Variants in PDZRN4 observed in about 807,000 individuals in gnomAD.
PDZRN4 encodes the protein PDZ domain-containing RING finger protein 4.
Under a neutral mutation model 99.0 loss-of-function variants are expected in PDZRN4, and 70 were observed. The ratio of observed to expected loss-of-function variants is 0.71; its 90% CI spans 0.58 to 0.86. The LOEUF is 0.86. PDZRN4 is among the 40% of genes least tolerant of loss of function. PDZRN4 has a pLI of 0.00. For synonymous variants in PDZRN4, 551 were observed against 501.6 expected (o/e 1.10, Z -1.32); for missense variants, 1,474 against 1,331.2 (o/e 1.11, Z -1.67).
intron 3 of PDZRN4, among the ~76,000 whole-genome samples, chr12:41,401,870 CT>C (rs1565572796): frequency 6.6e-6 from 1 of 151,688 alleles, no homozygotes. Flanking sequence ...ATGATTCCCC[CT>C]CTTCGTTGTG....
chr12:41,319,973 C>T (rs937209293), intron 3 of PDZRN4, among the ~76,000 whole-genome samples: 11 of 152,290 alleles, frequency 7.2e-5, no homozygotes, highest in East Asian at 5.8e-4. Context: ...TTCCCAGCAG[C>T]GGCAGCTGTG....
At chr12:41,488,103 T>C (rs759867450) in intron 3 of PDZRN4, among the ~76,000 whole-genome samples, 7 of 152,186 alleles carry the variant, frequency 4.6e-5, no homozygotes, top group African/African-American at 1.4e-4. Flanking sequence ...CAAAGTATTA[T>C]TTTAATCCGG....
chr12:41,376,106 C>A (rs1197551680), intron 3 of PDZRN4, among the ~76,000 whole-genome samples: 1 of 152,074 alleles, frequency 6.6e-6, no homozygotes, highest in Non-Finnish European at 1.5e-5. Context: ...TGGCTGAATA[C>A]AATTTGTGTG....
At chr12:41,318,645 A>G (rs978598154) in intron 3 of PDZRN4, among the ~76,000 whole-genome samples, 2 of 152,186 alleles carry the variant, frequency 1.3e-5, no homozygotes, top group African/African-American at 2.4e-5. Flanking sequence ...CAGTTGTATA[A>G]TGAAAACAGT....
chr12:41,553,072 A>G (rs1438950070), intron 6 of PDZRN4, among the ~76,000 whole-genome samples: 1 of 152,234 alleles, frequency 6.6e-6, no homozygotes, highest in Middle Eastern at 3.2e-3. Context: ...ATCCTCAAAC[A>G]TCTGTCCTTC....
intron 3 of PDZRN4, among the ~76,000 whole-genome samples, chr12:41,282,936 C>A (rs1197942069): frequency 6.6e-6 from 1 of 152,140 alleles, no homozygotes; most frequent in African/African-American, 2.4e-5. Flanking sequence ...GATCTAAAAT[C>A]GACACCCTAA....
intron 3 of PDZRN4, among the ~76,000 whole-genome samples, chr12:41,229,289 A>T (rs1036867305): frequency 6.6e-6 from 1 of 151,946 alleles, no homozygotes; most frequent in Admixed American, 6.6e-5. Context: ...GAATTGTTTA[A>T]TGAAAGAATC....
chr12:41,302,050 T>A (rs1324190614), intron 3 of PDZRN4, among the ~76,000 whole-genome samples: 1 of 152,106 alleles, frequency 6.6e-6, no homozygotes, highest in Non-Finnish European at 1.5e-5. Context: ...AATAGAATAT[T>A]TCATATAACA....
At chr12:41,313,268 A>T (rs75586953) in intron 3 of PDZRN4, among the ~76,000 whole-genome samples, 5,730 of 152,226 alleles carry the variant, frequency 0.038, 234 homozygotes, top group East Asian at 0.17. Context: ...TTCATCTGTT[A>T]CAAAAGATTT....
intron 3 of PDZRN4, among the ~76,000 whole-genome samples, chr12:41,240,344 G>A (rs957589854): frequency 3.9e-5 from 6 of 152,038 alleles, no homozygotes; most frequent in African/African-American, 1.2e-4. Context: ...ACCACACAAG[G>A]CCCTGTCTCA....
At chr12:41,294,926 T>C (rs1951481126) in intron 3 of PDZRN4, among the ~76,000 whole-genome samples, 1 of 152,064 alleles carries the variant, frequency 6.6e-6, no homozygotes, top group Non-Finnish European at 1.5e-5. Flanking sequence ...GAAAATTTCA[T>C]AGAGCTGAAT....
intron 3 of PDZRN4, among the ~76,000 whole-genome samples, chr12:41,223,131 A>G (rs1167903768): frequency 6.6e-6 from 1 of 152,208 alleles, no homozygotes; most frequent in Non-Finnish European, 1.5e-5. Context: ...ACAGGTAGGT[A>G]TTACAATATT....
At chr12:41,305,471 A>G (rs774233101) in intron 3 of PDZRN4, among the ~76,000 whole-genome samples, 23 of 152,208 alleles carry the variant, frequency 1.5e-4, no homozygotes, top group Non-Finnish European at 1.5e-4. Flanking sequence ...ATTTCTCACA[A>G]TGCTGGAGGT....
At chr12:41,546,589 T>C (rs1020932281) in intron 5 of PDZRN4, among the ~76,000 whole-genome samples, 1 of 152,200 alleles carries the variant, frequency 6.6e-6, no homozygotes, top group Non-Finnish European at 1.5e-5. Flanking sequence ...CTTTGCTTCT[T>C]GTGTTTTTCA....
intron 3 of PDZRN4, among the ~76,000 whole-genome samples, chr12:41,254,658 C>A (rs1951191951): frequency 6.6e-6 from 1 of 152,176 alleles, no homozygotes; most frequent in African/African-American, 2.4e-5. Flanking sequence ...TCTGCAGTCC[C>A]AAGTCTGAAG....
Position 41,371,104 on chromosome 12 carries a change from A to G in PDZRN4, c.844-135352A>G, listed in dbSNP as rs574363055. ...AGCTCTTATTTGATGATTTTTATAT[A>G]TAATTCTAGAGTACTATTATATATT... On this transcript the variant is annotated intron_variant, in intron 3 of 9. Coordinates refer to ENST00000402685, the MANE Select transcript of PDZRN4 (RefSeq NM_001164595.2). 8.7e-5 allele frequency among the ~76,000 whole-genome samples: 13 copies of G among 149,762 alleles called. 1 individual carries two copies. The South Asian group carries it at 2.5e-3, about 29-fold the overall frequency.
rs144542364 is a variant in PDZRN4, at chr12:41,432,341, T to C, written c.844-74115T>C. Among the ~76,000 whole-genome samples the C allele has an allele frequency of 9.6e-4, 147 of 152,368 alleles. 1 individual carries two copies. The highest frequency in any genetic ancestry group is 1.7e-3 in the Non-Finnish European group (116 of 68,038). Reference sequence around the variant, plus strand: ...GGTTTATGTTCATGGCCTTTCAGCCTTTTAACTTAATATTCTTGAATACTA... The same window carrying C: ...GGTTTATGTTCATGGCCTTTCAGCCCTTTAACTTAATATTCTTGAATACTA... On this transcript the variant is annotated intron_variant, in intron 3 of 9. Transcript: ENST00000402685.
intron 5 of PDZRN4, among the ~76,000 whole-genome samples, chr12:41,529,505 A>G (rs889074124): frequency 1.3e-5 from 2 of 152,222 alleles, no homozygotes; most frequent in Admixed American, 1.3e-4. Flanking sequence ...AGACACACAC[A>G]TTTATGCATT....
chr12:41,567,805 A>G lies in PDZRN4; in HGVS notation c.1490A>G (p.Asp497Gly), dbSNP rs759541128. 1.2e-6 allele frequency: 2 copies of G among 1,612,756 alleles called. No homozygotes were observed. The highest frequency in any genetic ancestry group is 1.7e-6 in the Non-Finnish European group (2 of 1,179,026). ...CAGCTGGATGAAGGCTGGCTGGAAG[A>G]TGAAAGGAATGAATTCTTAGAGGAG... Reference protein sequence around the residue: ...EIQLDEGWLEDERNEFLEELN... With the variant: ...EIQLDEGWLEGERNEFLEELN... The change falls in exon 9 of 10, where the codon GAT becomes GGT. Residue 497 changes from aspartate (D) to glycine (G), a missense_variant. Transcript: ENST00000402685.
Sources: allele counts gnomAD v4.1 joint callset (sites outside exome capture counted in the v4.1 genomes callset), GRCh38; gene constraint gnomAD v4.1.1; transcripts MANE v1.5; gene names NCBI Gene and HGNC (gene_info 2026-07-23, HGNC 2026-07-21).